The following TLE4 variants were observed in gnomAD, a reference collection of about 807,000 sequenced individuals.
The protein encoded by TLE4 is transducin-like enhancer protein 4.
In TLE4, 8 loss-of-function variants were observed where a neutral mutation model predicts 92.8. The ratio of observed to expected loss-of-function variants is 0.09; its 90% CI spans 0.05 to 0.16. TLE4 has a LOEUF of 0.16. Among genes scored for constraint, TLE4 ranks in the 10% least tolerant of loss-of-function variants. The probability of loss-of-function intolerance (pLI) is 1.00; values close to 1 mark genes in which losing one functional copy is unlikely to be tolerated. For synonymous variants in TLE4, 371 were observed against 374.1 expected (o/e 0.99, Z 0.10); for missense variants, 675 against 997.6 (o/e 0.68, Z 4.36).
chr9:79,634,903 G>A (rs150562149), intron 6 of TLE4, among the ~76,000 whole-genome samples: 2 of 152,262 alleles, frequency 1.3e-5, no homozygotes, highest in African/African-American at 4.8e-5. Context: ...AAGGACAGTT[G>A]GTTGAATAAA....
intron 19 of TLE4, among the ~76,000 whole-genome samples, chr9:79,723,945 G>C (rs1449892014): frequency 6.6e-6 from 1 of 152,116 alleles, no homozygotes; most frequent in African/African-American, 2.4e-5. Context: ...ATGTCTTTAA[G>C]TGTTTAAAGT....
intron 8 of TLE4, among the ~76,000 whole-genome samples, chr9:79,672,563 T>G (rs1037825408): frequency 1.3e-5 from 2 of 152,204 alleles, no homozygotes; most frequent in Non-Finnish European, 2.9e-5. Context: ...GGCGGTTCAT[T>G]CTTACCAACC....
At chr9:79,724,009 T>G (rs2076051326) in intron 19 of TLE4, among the ~76,000 whole-genome samples, 1 of 152,212 alleles carries the variant, frequency 6.6e-6, no homozygotes, top group Non-Finnish European at 1.5e-5. Flanking sequence ...TGAGCACAGT[T>G]TAGTTAAAAG....
chr9:79,720,057 C>T lies in TLE4; in HGVS notation c.1602C>T (p.Asn534=). 3.1e-6 allele frequency: 5 copies of T among 1,611,524 alleles called. No homozygotes were observed. The highest frequency in any genetic ancestry group is 2.2e-5 in the East Asian group (1 of 44,788). Residue 534 remains asparagine, a synonymous_variant, in exon 16 of 20, where the codon AAC becomes AAT. Coordinates refer to ENST00000376552, the MANE Select transcript of TLE4 (RefSeq NM_007005.6). The part of the protein sequence containing the change: ...VSQLDCLNRD[N]YIRSCRLLPD... ...TTTTGTCTCTACAGAACAGGGATAA[C>T]TACATCCGTTCCTGCAGATTGCTCC...
At chr9:79,607,147 T>C (rs564576464) in intron 4 of TLE4, among the ~76,000 whole-genome samples, 1 of 152,354 alleles carries the variant, frequency 6.6e-6, no homozygotes, top group African/African-American at 2.4e-5. Flanking sequence ...TTTTCATATG[T>C]CTGTTGACTG....
intron 4 of TLE4, among the ~76,000 whole-genome samples, chr9:79,592,171 CTCTTCCTCTTCCTCT>C (rs1564202181): frequency 8.8e-6 from 1 of 113,626 alleles, no homozygotes; most frequent in African/African-American, 3.8e-5. Context: ...CTTCTTCTTC[CTCTTCCTCTTCCTCT>C]TCTTCTTCTT....
At chr9:79,693,758 A>G in intron 8 of TLE4, 1 of 420,926 alleles carries the variant, frequency 2.4e-6, no homozygotes, top group Non-Finnish European at 4.6e-6. Flanking sequence ...CCTTCGAACC[A>G]TATTTAGTAT....
At chr9:79,684,408 C>T (rs184264524) in intron 8 of TLE4, among the ~76,000 whole-genome samples, 17 of 151,462 alleles carry the variant, frequency 1.1e-4, no homozygotes, top group Admixed American at 5.2e-4. Context: ...AGCTCCACCT[C>T]CTGTCACATC....
At chr9:79,576,204 A>G (rs778271254) in intron 4 of TLE4, 27 bp downstream of exon 4, 1 of 1,489,722 alleles carries the variant, frequency 6.7e-7, no homozygotes, top group Non-Finnish European at 9.1e-7. Context: ...TAACCATTTT[A>G]AATGACAGTA....
At chr9:79,602,705 T>G (rs1183960672) in intron 4 of TLE4, among the ~76,000 whole-genome samples, 2 of 152,188 alleles carry the variant, frequency 1.3e-5, no homozygotes, top group Admixed American at 6.5e-5. Context: ...AGATAATGTT[T>G]TCATGCCTGC....
At chr9:79,584,661 G>T (rs1390290682) in intron 4 of TLE4, among the ~76,000 whole-genome samples, 1 of 152,140 alleles carries the variant, frequency 6.6e-6, no homozygotes, top group Non-Finnish European at 1.5e-5. Flanking sequence ...CCAAGAATAT[G>T]TGTGATTTAA....
At chr9:79,585,724 A>C (rs2040888874) in intron 4 of TLE4, among the ~76,000 whole-genome samples, 1 of 152,106 alleles carries the variant, frequency 6.6e-6, no homozygotes, top group South Asian at 2.1e-4. Flanking sequence ...TTTAAAATCC[A>C]AAGTTACCCA....
At chr9:79,587,193 A>AT (rs1173785320) in intron 4 of TLE4, among the ~76,000 whole-genome samples, 8 of 152,184 alleles carry the variant, frequency 5.3e-5, no homozygotes, top group Non-Finnish European at 8.8e-5. Flanking sequence ...GAGTGGTTTA[A>AT]TTTTTTCATT....
intron 8 of TLE4, among the ~76,000 whole-genome samples, chr9:79,685,919 A>G (rs1436560159): frequency 2.0e-5 from 3 of 152,210 alleles, no homozygotes; most frequent in African/African-American, 4.8e-5. Context: ...ATGGCCCTCT[A>G]TATTCCTGGG....
intron 8 of TLE4, among the ~76,000 whole-genome samples, chr9:79,663,842 A>G (rs2060946133): frequency 6.6e-6 from 1 of 152,152 alleles, no homozygotes; most frequent in Admixed American, 6.5e-5. Context: ...TGCTCTTTAT[A>G]ATACTCAGAA....
At chr9:79,586,383 A>G (rs138503811) in intron 4 of TLE4, among the ~76,000 whole-genome samples, 203 of 152,174 alleles carry the variant, frequency 1.3e-3, no homozygotes, top group African/African-American at 4.5e-3. Context: ...AAGAAAAGAA[A>G]ATTGTGTGAC....
intron 4 of TLE4, chr9:79,601,570 T>C (rs1413735238): frequency 2.3e-6 from 1 of 434,228 alleles, no homozygotes; most frequent in Admixed American, 2.5e-5. Flanking sequence ...TGATTTGTGG[T>C]TAGTGATCTT....
intron 4 of TLE4, among the ~76,000 whole-genome samples, chr9:79,595,800 G>A (rs567690924): frequency 1.3e-5 from 2 of 151,218 alleles, no homozygotes; most frequent in East Asian, 3.9e-4. Context: ...TCTTCTGAGT[G>A]CTTCTAAATT....
chr9:79,682,456 A>G (rs1286083174), intron 8 of TLE4, among the ~76,000 whole-genome samples: 1 of 151,964 alleles, frequency 6.6e-6, no homozygotes, highest in Non-Finnish European at 1.5e-5. Flanking sequence ...TGCTTACCTT[A>G]TCTCTAACTC....
Sources: allele counts gnomAD v4.1 joint callset (sites outside exome capture counted in the v4.1 genomes callset), GRCh38; gene constraint gnomAD v4.1.1; transcripts MANE v1.5; gene names NCBI Gene and HGNC (gene_info 2026-07-23, HGNC 2026-07-21).